Variants in GPR149 observed in about 807,000 individuals in gnomAD.
GPR149 encodes probable G protein-coupled receptor 149.
A neutral mutation model predicts 50.2 loss-of-function variants in GPR149; 50 were observed. The ratio of observed to expected loss-of-function variants is 1.00; its 90% CI spans 0.79 to 1.26. The LOEUF (loss-of-function observed/expected upper bound fraction) is 1.26. Ranked by LOEUF, GPR149 falls within the 50% of genes most tolerant of loss-of-function variation. GPR149 has a pLI of 0.00. For synonymous variants in GPR149, 405 were observed against 358.2 expected (o/e 1.13, Z -1.48); for missense variants, 983 against 895.4 (o/e 1.10, Z -1.25).
intron 3 of GPR149, among the ~76,000 whole-genome samples, chr3:154,400,753 A>G (rs1293098911): frequency 6.6e-6 from 1 of 152,260 alleles, no homozygotes; most frequent in Non-Finnish European, 1.5e-5. Flanking sequence ...AGTTAATAAG[A>G]GTCATAATCT....
At position 154,398,409 on chromosome 3, in the gene GPR149, G is replaced by A. The variant is rs549094621; in HGVS notation, c.1623+22630C>T. Among the ~76,000 whole-genome samples the A allele has an allele frequency of 1.9e-3, 286 of 152,182 alleles. 1 individual carries two copies. Among genetic ancestry groups the A allele is most frequent in the African/African-American group, 6.6e-3 (274 of 41,542 alleles). ...TCACTGGAGAAGAAAGTTGCTTTTA[G>A]TAAATTGTGTCAATTTTCTCTATCT... On this transcript the variant is annotated intron_variant, in intron 3 of 3. Transcript: ENST00000389740.
intron 3 of GPR149, among the ~76,000 whole-genome samples, chr3:154,388,541 GA>G (rs1488180357): frequency 6.6e-6 from 1 of 152,006 alleles, no homozygotes; most frequent in African/African-American, 2.4e-5. Flanking sequence ...GCTTTTACCT[GA>G]GGGCTAATTT....
chr3:154,423,911 C>T (rs1712224497), intron 2 of GPR149, among the ~76,000 whole-genome samples: 1 of 151,724 alleles, frequency 6.6e-6, no homozygotes, highest in Admixed American at 6.6e-5. Flanking sequence ...AGATTTGTTA[C>T]ATATGTATAC....
chr3:154,358,921 C>T (rs1046811297), intron 3 of GPR149, among the ~76,000 whole-genome samples: 2 of 152,102 alleles, frequency 1.3e-5, no homozygotes, highest in African/African-American at 4.8e-5. Flanking sequence ...AGAAATAATA[C>T]ATTACTGCTT....
chr3:154,405,383 G>C (rs901589113), intron 3 of GPR149, among the ~76,000 whole-genome samples: 1 of 151,830 alleles, frequency 6.6e-6, no homozygotes, highest in Non-Finnish European at 1.5e-5. Context: ...GGTCAGGAGA[G>C]CGAGACCATC....
At chr3:154,378,660 C>T in intron 3 of GPR149, among the ~76,000 whole-genome samples, 1 of 152,166 alleles carries the variant, frequency 6.6e-6, no homozygotes, top group East Asian at 1.9e-4. Flanking sequence ...ATAGTCTGTA[C>T]AGAAATTTAG....
chr3:154,350,395 G>T (rs1714048598), intron 3 of GPR149, among the ~76,000 whole-genome samples: 1 of 152,070 alleles, frequency 6.6e-6, no homozygotes, highest in East Asian at 1.9e-4. Flanking sequence ...GTACTTCTAT[G>T]ACTAGCAATG....
chr3:154,361,175 G>C (rs946008252), intron 3 of GPR149, among the ~76,000 whole-genome samples: 3 of 152,092 alleles, frequency 2.0e-5, no homozygotes, highest in African/African-American at 7.2e-5. Context: ...AAAATTAACT[G>C]AAAATTCTAG....
chr3:154,337,715 T>C lies in GPR149; in HGVS notation c.2180A>G (p.Glu727Gly). 2 of 1,599,928 alleles carry C rather than the reference T, an allele frequency of 1.3e-6. No individual in the cohort carries two copies. The highest frequency in any genetic ancestry group is 1.7e-6 in the Non-Finnish European group (2 of 1,173,126). The change falls in exon 4 of 4, where the codon GAA becomes GGA. Residue 727 changes from glutamate (E) to glycine (G), a missense_variant. Coordinates refer to ENST00000389740, the MANE Select transcript of GPR149 (RefSeq NM_001038705.3). Reference sequence around the variant, plus strand: ...AAATACCCACTAACTACCCTTGCTTTCTTCCTCTCTTTTTCTGTAAGCTTT... The same window carrying C: ...AAATACCCACTAACTACCCTTGCTTCCTTCCTCTCTTTTTCTGTAAGCTTT... The part of the protein sequence containing the change: ...LNKAYRKREE[E>G]SKGS
chr3:154,346,285 A>G (rs763047471), intron 3 of GPR149, among the ~76,000 whole-genome samples: 1 of 152,238 alleles, frequency 6.6e-6, no homozygotes, highest in Non-Finnish European at 1.5e-5. Context: ...TGAGAAAAAC[A>G]AAAGTAGATT....
intron 3 of GPR149, among the ~76,000 whole-genome samples, chr3:154,338,699 A>C (rs532134851): frequency 6.6e-6 from 1 of 152,304 alleles, no homozygotes; most frequent in East Asian, 1.9e-4. Context: ...ATCAACATGA[A>C]CTTTTTTTTT....
intron 3 of GPR149, among the ~76,000 whole-genome samples, chr3:154,373,885 G>C (rs778982355): frequency 1.3e-5 from 2 of 152,142 alleles, no homozygotes; most frequent in Non-Finnish European, 2.9e-5. Context: ...CCTGATACAG[G>C]TCTGACATAT....
chr3:154,372,465 C>G (rs969103495), intron 3 of GPR149, among the ~76,000 whole-genome samples: 1 of 152,160 alleles, frequency 6.6e-6, no homozygotes, highest in Non-Finnish European at 1.5e-5. Flanking sequence ...TCCTTGTAAA[C>G]ACAATTTGTA....
chr3:154,346,997 G>C (rs1713945782), intron 3 of GPR149, among the ~76,000 whole-genome samples: 1 of 152,088 alleles, frequency 6.6e-6, no homozygotes, highest in African/African-American at 2.4e-5. Flanking sequence ...CTGAATAAGA[G>C]CCTTGTATCA....
At chr3:154,364,117 G>A (rs1714476731) in intron 3 of GPR149, among the ~76,000 whole-genome samples, 1 of 152,220 alleles carries the variant, frequency 6.6e-6, no homozygotes, top group South Asian at 2.1e-4. Flanking sequence ...AGGTATGGGA[G>A]TGAAGAAGTG....
In GPR149 at chr3:154,429,205, A is replaced by C; in HGVS notation, c.411T>G (p.Gly137=). 1.2e-6 allele frequency: 2 copies of C among 1,614,000 alleles called. No homozygotes were observed. The highest frequency in any genetic ancestry group is 1.7e-6 in the Non-Finnish European group (2 of 1,180,006). The change falls in exon 1 of 4, where the codon GGT becomes GGG. Residue 137 remains glycine, a synonymous_variant. Transcript: ENST00000389740. ...TTCTGGAGGCTGTCTGGCTCCCCAC[A>C]CCTCTGTGCATCGTATAAAAGTTGT... is the stretch of plus-strand genomic sequence containing the variant. ...VSYNFYTMHR[G]VGSQTASRRS... is the part of the protein sequence containing the mutation.
intron 3 of GPR149, among the ~76,000 whole-genome samples, chr3:154,342,782 C>T (rs1285449639): frequency 6.6e-6 from 1 of 151,396 alleles, no homozygotes; most frequent in Non-Finnish European, 1.5e-5. Flanking sequence ...AAAACATAAA[C>T]AGAAAAAAAC....
Position 154,348,367 on chromosome 3 carries a change from A to T in GPR149, c.1624-10096T>A, listed in dbSNP as rs184175866. On this transcript the variant is annotated intron_variant, in intron 3 of 3. Coordinates refer to ENST00000389740, the MANE Select transcript of GPR149 (RefSeq NM_001038705.3). ...GTTATATATTGTCTATAAGAAACTC[A>T]TTTCAAATATAATAATATAAGCAGG... is the stretch of plus-strand genomic sequence containing the variant. Among the ~76,000 whole-genome samples the T allele has an allele frequency of 4.1e-3, 628 of 152,330 alleles. 4 individuals are homozygous for T. The highest frequency in any genetic ancestry group is 0.014 in the African/African-American group (602 of 41,584).
At chr3:154,367,305 G>A (rs984019066) in intron 3 of GPR149, among the ~76,000 whole-genome samples, 1 of 150,662 alleles carries the variant, frequency 6.6e-6, no homozygotes, top group African/African-American at 2.5e-5. Context: ...TTTGTTGTAA[G>A]CTTCCCTGTG....
Sources: allele counts gnomAD v4.1 joint callset (sites outside exome capture counted in the v4.1 genomes callset), GRCh38; gene constraint gnomAD v4.1.1; transcripts MANE v1.5; gene names NCBI Gene and HGNC (gene_info 2026-07-23, HGNC 2026-07-21).